Variants in TBCE observed in about 807,000 individuals in gnomAD.
TBCE encodes tubulin folding cofactor E.
A neutral mutation model predicts 77.0 loss-of-function variants in TBCE; 53 were observed. The observed-to-expected ratio is 0.69, with a 90% CI of 0.55 to 0.87. TBCE has a LOEUF of 0.87. Ranked by LOEUF, TBCE falls within the 40% of genes least tolerant of loss-of-function variation. TBCE has a pLI of 0.00. For synonymous variants in TBCE, 235 were observed against 241.3 expected, an observed-to-expected ratio of 0.97 and a Z score of 0.24; for missense variants, 624 against 622.4, an observed-to-expected ratio of 1.00 and a Z score of -0.03.
At chr1:235,418,234 A>T (rs1466961041) in intron 4 of TBCE, among the ~76,000 whole-genome samples, 1 of 151,944 alleles carries the variant, frequency 6.6e-6, no homozygotes, top group Non-Finnish European at 1.5e-5. Flanking sequence ...TTATCCTTTC[A>T]TTTGTTGATG....
In TBCE at chr1:235,442,913, T is replaced by G; in HGVS notation, c.1399+2T>G. The G allele has an allele frequency of 6.2e-7, 1 of 1,614,068 alleles. No homozygotes were observed. ...AAGTCCTGGAGAAACAACTGCCGGGTAAGAAGAACCAGCCTGTCTTTTCCT... is the reference window on the plus strand; with the variant it reads ...AAGTCCTGGAGAAACAACTGCCGGGGAAGAAGAACCAGCCTGTCTTTTCCT... On this transcript the variant is annotated splice_donor_variant, in intron 15 of 16. Coordinates refer to ENST00000642610, the MANE Select transcript of TBCE (RefSeq NM_003193.5). LOFTEE classifies it high-confidence loss of function.
rs551940262 is a variant in TBCE, at chr1:235,448,549, C to CTGTT, written c.1492-114_1492-111dup. 271 of 1,387,150 alleles carry CTGTT rather than the reference C, an allele frequency of 2.0e-4. 3 individuals are homozygous for CTGTT. The highest frequency in any genetic ancestry group is 7.3e-4 in the South Asian group (63 of 86,360). 85.9% of individuals were successfully genotyped at this position (1,387,150 alleles called of 1,614,324 possible). A position where few individuals can be genotyped will look rare whatever the true frequency, so the allele number is the denominator to read the frequency against. The stretch of plus-strand genomic sequence containing the variant: ...TTGATTCTAAATGGAGACCATGGGT[C>CTGTT]TGTTTGTTTGATTTTAAGGGTAAGC... On this transcript the variant is annotated intron_variant, in intron 16 of 16. Transcript: ENST00000642610.
In TBCE at chr1:235,419,460, G is replaced by C. The variant is rs766225659; in HGVS notation, c.372-13G>C. On this transcript the variant is annotated splice_polypyrimidine_tract_variant and intron_variant, in intron 4 of 16. Coordinates refer to ENST00000642610, the MANE Select transcript of TBCE (RefSeq NM_003193.5). ...GTGCTTATGTATCCATGTGAACTCT[G>C]TTTTTCATGCAGTCAGCTGAGCAAG... 4.3e-6 allele frequency: 7 copies of C among 1,614,160 alleles called. No homozygotes were observed. The highest frequency in any genetic ancestry group is 4.2e-6 in the Non-Finnish European group (5 of 1,180,024).
intron 14 of TBCE, 65 bp from the exon 15 acceptor site, chr1:235,442,787 T>A: frequency 1.3e-6 from 2 of 1,492,300 alleles, no homozygotes; most frequent in South Asian, 2.3e-5. Flanking sequence ...TGTTGATGTG[T>A]GTGGATAATT....
intron 4 of TBCE, among the ~76,000 whole-genome samples, chr1:235,417,941 C>T (rs1680194505): frequency 6.6e-6 from 1 of 152,062 alleles, no homozygotes; most frequent in African/African-American, 2.4e-5. Flanking sequence ...CTATGCCAGG[C>T]TAATTTTTGT....
chr1:235,369,347 A>T (rs965190794), intron 1 of TBCE, among the ~76,000 whole-genome samples: 10 of 150,818 alleles, frequency 6.6e-5, no homozygotes, highest in Admixed American at 4.0e-4. Flanking sequence ...TCTCTACTAA[A>T]AATACAAAAA....
chr1:235,445,458 G>A (rs767752052), intron 15 of TBCE, among the ~76,000 whole-genome samples: 6 of 152,008 alleles, frequency 3.9e-5, no homozygotes, highest in African/African-American at 9.7e-5. Flanking sequence ...GTGAAACCCC[G>A]TCTCTACAAA....
rs59405398 is a variant in TBCE at position 235,448,220 on chromosome 1, C to CAA, written c.1400-110_1400-109dup. The CAA allele has an allele frequency of 0.022, 11,197 of 520,352 alleles. 120 individuals carry two copies. The highest frequency in any genetic ancestry group is 0.081 in the African/African-American group (2,563 of 31,692). 32.2% of individuals were successfully genotyped at this position (520,352 alleles called of 1,614,324 possible). On this transcript the variant is annotated intron_variant, in intron 15 of 16. Transcript: ENST00000642610. Reference sequence around the variant, plus strand: ...CTTAAGTAAGTAAGTAAGTCAGTCTCAAAAAAAAAAAAAAAAAAAAGACAG... The same window carrying CAA: ...CTTAAGTAAGTAAGTAAGTCAGTCTCAAAAAAAAAAAAAAAAAAAAAAGACAG...
At chr1:235,368,299 AG>A (rs1676685751) in intron 1 of TBCE, among the ~76,000 whole-genome samples, 2 of 152,166 alleles carry the variant, frequency 1.3e-5, no homozygotes, top group Admixed American at 1.3e-4. Flanking sequence ...CCTTATCCTC[AG>A]AGAAGCAGTC....
intron 14 of TBCE, among the ~76,000 whole-genome samples, chr1:235,442,097 TCC>T (rs1340164326): frequency 5.3e-5 from 8 of 151,200 alleles, no homozygotes; most frequent in African/African-American, 1.9e-4. Flanking sequence ...AACCTCCGCC[TCC>T]CAGGTTCTAA....
chr1:235,414,324 A>C, intron 3 of TBCE, 109 bp from the exon 4 acceptor site: 1 of 994,538 alleles, frequency 1.0e-6, no homozygotes, highest in South Asian at 1.3e-5. Context: ...TTTTATGCTA[A>C]TTTTGATTTT....
Position 235,449,693 on chromosome 1 carries a change from A to AACCCCAAACTTTGGTATAAGTGACC in TBCE, c.*934_*958dup, listed in dbSNP as rs1682773407. 6.6e-6 allele frequency: 1 copy of AACCCCAAACTTTGGTATAAGTGACC among 152,544 alleles called. No individual in the cohort carries two copies. Among genetic ancestry groups the AACCCCAAACTTTGGTATAAGTGACC allele is most frequent in the South Asian group, 2.1e-4 (1 of 4,846 alleles). 9.4% of individuals were successfully genotyped at this position (152,544 alleles called of 1,614,324 possible). On this transcript the variant is annotated 3_prime_UTR_variant, in exon 17 of 17. Transcript: ENST00000642610. ...CACAAAATCTGACATTATTTCCAGA[A>AACCCCAAACTTTGGTATAAGTGACC]ACCCCAAACTTTGGTATAAGTGACC...
At position 235,401,484 on chromosome 1, in the gene TBCE, G is replaced by T; in HGVS notation, c.101-19G>T. 3 of 1,610,226 alleles carry T rather than the reference G, an allele frequency of 1.9e-6. No individual in the cohort carries two copies. The highest frequency in any genetic ancestry group is 2.5e-6 in the Non-Finnish European group (3 of 1,176,694). The stretch of plus-strand genomic sequence containing the variant: ...TGTATCATCATCTGTTACTCATTTG[G>T]TTTTTCTTGTTCTGCTAGGACCCTG... On this transcript the variant is annotated intron_variant, in intron 2 of 16. Transcript: ENST00000642610.
chr1:235,427,053 A>T, intron 5 of TBCE, 87 bp from the exon 6 acceptor site: 1 of 932,910 alleles, frequency 1.1e-6, no homozygotes, highest in Non-Finnish European at 1.7e-6. Flanking sequence ...GAAAAGTTAA[A>T]ACGCTCATGC....
chr1:235,377,471 G>A (rs932431844), intron 1 of TBCE, among the ~76,000 whole-genome samples: 2 of 152,002 alleles, frequency 1.3e-5, no homozygotes, highest in Middle Eastern at 3.4e-3. Flanking sequence ...GAGCCACCGC[G>A]CCCAGCCTAA....
At chr1:235,439,318 C>T (rs1681674003) in intron 13 of TBCE, among the ~76,000 whole-genome samples, 3 of 135,934 alleles carry the variant, frequency 2.2e-5, no homozygotes, top group South Asian at 4.7e-4. Flanking sequence ...GGTGAAACCC[C>T]GTCCCTACTA....
chr1:235,436,645 C>G (rs765303643), intron 11 of TBCE, 37 bp downstream of exon 11: 7 of 1,557,872 alleles, frequency 4.5e-6, no homozygotes, highest in Non-Finnish European at 6.2e-6. Flanking sequence ...CACACTGTTG[C>G]CTCTTTCCAC....
At chr1:235,427,381 C>G in intron 6 of TBCE, 142 bp downstream of exon 6, 1 of 713,842 alleles carries the variant, frequency 1.4e-6, no homozygotes, top group East Asian at 2.7e-5. Flanking sequence ...GAAGGAATTA[C>G]TCAGGCTGAT....
intron 5 of TBCE, among the ~76,000 whole-genome samples, chr1:235,422,330 G>T (rs1332926145): frequency 1.3e-5 from 2 of 151,996 alleles, no homozygotes; most frequent in Non-Finnish European, 2.9e-5. Context: ...TGGCCAACAT[G>T]GTGAAACCTT....
Sources: gnomAD v4.1 joint callset for allele counts (sites outside exome capture counted in the v4.1 genomes callset) on GRCh38, gnomAD v4.1.1 for gene constraint, MANE v1.5 for transcripts, NCBI Gene and HGNC (gene_info 2026-07-23, HGNC 2026-07-21) for gene names.